GALNTL6: variants seen among roughly 807,000 people sequenced by gnomAD.
GALNTL6 encodes the protein polypeptide N-acetylgalactosaminyltransferase like 6, also known as polypeptide N-acetylgalactosaminyltransferase-like 6.
A neutral mutation model predicts 73.7 loss-of-function variants in GALNTL6; 46 were observed. The observed-to-expected ratio is 0.62, with a 90% CI of 0.49 to 0.80. The LOEUF (loss-of-function observed/expected upper bound fraction) is 0.80. GALNTL6 is among the 30% of genes least tolerant of loss of function. The probability of loss-of-function intolerance (pLI) is 0.00; values close to 1 mark genes in which losing one functional copy is unlikely to be tolerated. For synonymous variants in GALNTL6, 259 were observed against 263.7 expected, an observed-to-expected ratio of 0.98 and a Z score of 0.17; for missense variants, 604 against 755.0, an observed-to-expected ratio of 0.80 and a Z score of 2.34.
At chr4:172,917,711 AC>A (rs1192082201) in intron 8 of GALNTL6, among the ~76,000 whole-genome samples, 1 of 152,196 alleles carries the variant, frequency 6.6e-6, no homozygotes, top group Non-Finnish European at 1.5e-5. Context: ...ACCATCTCAC[AC>A]CAGTTAGAAT....
At chr4:172,349,472 G>A (rs1278208638) in intron 5 of GALNTL6, among the ~76,000 whole-genome samples, 3 of 152,104 alleles carry the variant, frequency 2.0e-5, no homozygotes, top group Non-Finnish European at 4.4e-5. Context: ...GATCACATGG[G>A]TTAATGAAGT....
At chr4:172,343,561 A>T (rs1428045023) in intron 4 of GALNTL6, among the ~76,000 whole-genome samples, 1 of 152,182 alleles carries the variant, frequency 6.6e-6, no homozygotes, top group Non-Finnish European at 1.5e-5. Flanking sequence ...AATGAAATAA[A>T]AAAGATAAAT....
rs34495647 is a variant in GALNTL6 at position 172,069,488 on chromosome 4, C to CATATATGTTATGTGTATGACACAT, written c.139-160164_139-160163insATGTTATGTGTATGACACATATAT. 7.2e-5 allele frequency among the ~76,000 whole-genome samples: 5 copies of CATATATGTTATGTGTATGACACAT among 69,206 alleles called. 2 individuals are homozygous for CATATATGTTATGTGTATGACACAT. The highest frequency in any genetic ancestry group is 2.8e-4 in the African/African-American group (5 of 17,568). 45.4% of individuals were successfully genotyped at this position (69,206 alleles called of 152,430 possible). A position where few individuals can be genotyped will look rare whatever the true frequency, so the allele number is the denominator to read the frequency against. On this transcript the variant is annotated intron_variant, in intron 2 of 12. Transcript: ENST00000506823. ...TATAACATATATGTTATATATAACA[C>CATATATGTTATGTGTATGACACAT]ATATGTTATATGTATAACACATATA...
intron 5 of GALNTL6, among the ~76,000 whole-genome samples, chr4:172,462,345 T>C (rs1006748615): frequency 1.3e-5 from 2 of 152,210 alleles, no homozygotes; most frequent in African/African-American, 4.8e-5. Flanking sequence ...AAAAGACTAG[T>C]ATTATTTACA....
intron 2 of GALNTL6, among the ~76,000 whole-genome samples, chr4:171,906,301 A>G (rs1485152242): frequency 6.6e-6 from 1 of 151,364 alleles, no homozygotes; most frequent in African/African-American, 2.5e-5. Flanking sequence ...ATAAAAAATG[A>G]TAAAGGGAAT....
At chr4:172,343,305 C>A (rs1051605661) in intron 4 of GALNTL6, among the ~76,000 whole-genome samples, 1 of 152,120 alleles carries the variant, frequency 6.6e-6, no homozygotes, top group African/African-American at 2.4e-5. Flanking sequence ...AAATACACAA[C>A]AATAGGCAGC....
intron 5 of GALNTL6, among the ~76,000 whole-genome samples, chr4:172,599,445 G>C (rs1737976478): frequency 6.6e-6 from 1 of 152,066 alleles, no homozygotes; most frequent in African/African-American, 2.4e-5. Flanking sequence ...ATGTATTGCT[G>C]AGTTAAGAAT....
At chr4:172,901,337 T>C (rs1485275365) in intron 8 of GALNTL6, among the ~76,000 whole-genome samples, 1 of 152,146 alleles carries the variant, frequency 6.6e-6, no homozygotes, top group East Asian at 1.9e-4. Flanking sequence ...TCAAAAGAGT[T>C]GTAGACAAAT....
At chr4:172,824,043 G>A (rs1488243758) in intron 7 of GALNTL6, among the ~76,000 whole-genome samples, 1 of 152,096 alleles carries the variant, frequency 6.6e-6, no homozygotes, top group African/African-American at 2.4e-5. Context: ...AAGGGCCAGT[G>A]GGCTTGTTGG....
At chr4:172,573,750 A>T (rs1320442478) in intron 5 of GALNTL6, among the ~76,000 whole-genome samples, 2 of 152,220 alleles carry the variant, frequency 1.3e-5, no homozygotes, top group African/African-American at 2.4e-5. Context: ...CCAGGGCTAT[A>T]TCTATACATA....
At chr4:171,818,545 G>A (rs981270363) in intron 2 of GALNTL6, among the ~76,000 whole-genome samples, 7 of 147,476 alleles carry the variant, frequency 4.7e-5, no homozygotes, top group African/African-American at 1.8e-4. Flanking sequence ...GATTTTAGAA[G>A]CTTATATTGT....
At chr4:172,413,225 C>T (rs2111347285) in intron 5 of GALNTL6, among the ~76,000 whole-genome samples, 1 of 152,208 alleles carries the variant, frequency 6.6e-6, no homozygotes, top group East Asian at 1.9e-4. Context: ...TTCTGTCACT[C>T]CAAAGAAAGG....
intron 7 of GALNTL6, among the ~76,000 whole-genome samples, chr4:172,818,315 A>G (rs1741723510): frequency 6.6e-6 from 1 of 152,226 alleles, no homozygotes; most frequent in Non-Finnish European, 1.5e-5. Flanking sequence ...TCGATTCAGC[A>G]GTTTATTCAA....
intron 4 of GALNTL6, among the ~76,000 whole-genome samples, chr4:172,334,111 T>TTACTCTACTC (rs200282043): frequency 1.1e-4 from 17 of 151,848 alleles, no homozygotes; most frequent in African/African-American, 2.9e-4. Context: ...TTACTACACT[T>TTACTCTACTC]TACTCTACTC....
Position 172,067,964 on chromosome 4 carries a change from G to A in GALNTL6, c.139-161692G>A, listed in dbSNP as rs1350813415. On this transcript the variant is annotated intron_variant, in intron 2 of 12. Transcript: ENST00000506823. ...AAATGGTGAATCAGTTCCTCTTGGG[G>A]TGGGGGTGTTAGTATGGTAATGCTG... 2.7e-5 allele frequency among the ~76,000 whole-genome samples: 3 copies of A among 109,822 alleles called. 1 individual carries two copies. The highest frequency in any genetic ancestry group is 2.1e-4 in the East Asian group (1 of 4,726). The allele number at this position is 109,822 out of a possible 152,430, so 72.0% of individuals were successfully genotyped here.
chr4:172,262,308 A>G (rs1200643464), intron 3 of GALNTL6, among the ~76,000 whole-genome samples: 1 of 151,382 alleles, frequency 6.6e-6, no homozygotes, highest in Non-Finnish European at 1.5e-5. Flanking sequence ...TGGGAGCTCC[A>G]GTGTTAGGTG....
intron 3 of GALNTL6, among the ~76,000 whole-genome samples, chr4:172,282,329 A>G (rs886300125): frequency 6.6e-6 from 1 of 152,222 alleles, no homozygotes; most frequent in African/African-American, 2.4e-5. Context: ...CCAACAAGAT[A>G]CAACCATCCA....
chr4:171,838,949 T>C (rs1421008026), intron 2 of GALNTL6, among the ~76,000 whole-genome samples: 1 of 152,168 alleles, frequency 6.6e-6, no homozygotes, highest in Non-Finnish European at 1.5e-5. Context: ...GTCTAAAACC[T>C]TCCTGTGTCT....
chr4:171,816,493 G>A (rs1029496873), intron 2 of GALNTL6: 2 of 151,960 alleles, frequency 1.3e-5, no homozygotes, highest in African/African-American at 2.4e-5. Flanking sequence ...TAAAAGACAT[G>A]GGGTGGCAAG....
Sources: gnomAD v4.1 joint callset for allele counts (sites outside exome capture counted in the v4.1 genomes callset) on GRCh38, gnomAD v4.1.1 for gene constraint, MANE v1.5 for transcripts, NCBI Gene and HGNC (gene_info 2026-07-23, HGNC 2026-07-21) for gene names.